The following PCDH15 variants were observed in gnomAD, a reference collection of about 807,000 sequenced individuals.
PCDH15 encodes protocadherin related 15, also known as protocadherin-15.
Under a neutral mutation model 178.5 loss-of-function variants are expected in PCDH15, and 129 were observed. The ratio of observed to expected loss-of-function variants is 0.72; its 90% CI spans 0.63 to 0.84. The LOEUF (loss-of-function observed/expected upper bound fraction) is 0.84. PCDH15 is among the 40% of genes least tolerant of loss of function. The pLI, the probability that PCDH15 is intolerant of heterozygous loss-of-function variation, is 0.00. For synonymous variants in PCDH15, 800 were observed against 732.0 expected (o/e 1.09, Z -1.50); for missense variants, 2,230 against 2,099.9 (o/e 1.06, Z -1.21).
chr10:54,998,710 T>C (rs1400147016), intron 2 of PCDH15, among the ~76,000 whole-genome samples: 1 of 152,152 alleles, frequency 6.6e-6, no homozygotes, highest in Non-Finnish European at 1.5e-5. Flanking sequence ...GGAGCCTAAT[T>C]TCACATAAAT....
chr10:54,332,477 GC>G (rs1375689562), intron 6 of PCDH15, among the ~76,000 whole-genome samples: 1 of 145,758 alleles, frequency 6.9e-6, no homozygotes, highest in African/African-American at 2.5e-5. Flanking sequence ...CTCCAAACAG[GC>G]CATGGCTCTT....
At chr10:55,013,827 T>C (rs2131946064) in intron 2 of PCDH15, among the ~76,000 whole-genome samples, 1 of 152,196 alleles carries the variant, frequency 6.6e-6, no homozygotes, top group Non-Finnish European at 1.5e-5. Flanking sequence ...TTAAAATCAG[T>C]GAATATGCAA....
intron 2 of PCDH15, among the ~76,000 whole-genome samples, chr10:54,984,882 C>T (rs914853348): frequency 3.3e-5 from 5 of 152,172 alleles, no homozygotes; most frequent in Non-Finnish European, 7.3e-5. Flanking sequence ...CCTTTGGTCT[C>T]CCAGTCCTTC....
intron 6 of PCDH15, among the ~76,000 whole-genome samples, chr10:54,337,116 A>G (rs1249264758): frequency 6.6e-6 from 1 of 151,446 alleles, no homozygotes; most frequent in Non-Finnish European, 1.5e-5. Context: ...GAATGTATAT[A>G]TATATATATT....
At chr10:54,557,283 T>C (rs769056548) in intron 2 of PCDH15, among the ~76,000 whole-genome samples, 1 of 152,148 alleles carries the variant, frequency 6.6e-6, no homozygotes, top group African/African-American at 2.4e-5. Flanking sequence ...TAAAGACCAG[T>C]GTTAGGTTTG....
At chr10:54,505,005 C>T (rs751082606) in intron 3 of PCDH15, among the ~76,000 whole-genome samples, 6 of 151,938 alleles carry the variant, frequency 3.9e-5, no homozygotes, top group Non-Finnish European at 5.9e-5. Flanking sequence ...GCCAGCTGGT[C>T]GGTTCTGAGA....
At chr10:55,385,332 T>C (rs542672170) in intron 2 of PCDH15, among the ~76,000 whole-genome samples, 11 of 151,966 alleles carry the variant, frequency 7.2e-5, no homozygotes, top group Admixed American at 6.6e-4. Flanking sequence ...AATGGAAAGA[T>C]AGATTATGAT....
chr10:55,172,287 C>T (rs144719557), intron 1 of PCDH15, among the ~76,000 whole-genome samples: 17 of 151,712 alleles, frequency 1.1e-4, no homozygotes, highest in East Asian at 3.9e-4. Flanking sequence ...ATTTCTTAAA[C>T]GTAAGTACTC....
intron 2 of PCDH15, among the ~76,000 whole-genome samples, chr10:55,597,974 T>G (rs550286053): frequency 6.6e-6 from 1 of 152,118 alleles, no homozygotes; most frequent in East Asian, 1.9e-4. Flanking sequence ...GCCCTCCAGA[T>G]CACCTGGTTC....
At chr10:54,527,711 G>C in intron 3 of PCDH15, 101 bp downstream of exon 3, 1 of 931,950 alleles carries the variant, frequency 1.1e-6, no homozygotes, top group Non-Finnish European at 1.6e-6. Context: ...GATTTGGGTT[G>C]AAACTTTCAT....
chr10:54,363,871 T>G (rs1431897348), intron 5 of PCDH15, among the ~76,000 whole-genome samples: 1 of 152,174 alleles, frequency 6.6e-6, no homozygotes, highest in East Asian at 1.9e-4. Flanking sequence ...GGATTACTTT[T>G]AAAAATTTCA....
chr10:55,395,853 A>C (rs1040137937), intron 2 of PCDH15, among the ~76,000 whole-genome samples: 9 of 151,982 alleles, frequency 5.9e-5, no homozygotes, highest in African/African-American at 2.2e-4. Context: ...CACAAAAAAA[A>C]CCAAACATAA....
intron 2 of PCDH15, among the ~76,000 whole-genome samples, chr10:55,123,091 A>G (rs530857125): frequency 5.3e-5 from 8 of 152,148 alleles, no homozygotes; most frequent in African/African-American, 1.9e-4. Flanking sequence ...CTATAAACAA[A>G]TAAGTTTCAA....
intron 26 of PCDH15, among the ~76,000 whole-genome samples, chr10:53,893,100 T>C (rs2081690692): frequency 6.6e-6 from 1 of 151,936 alleles, no homozygotes; most frequent in East Asian, 1.9e-4. Context: ...TGACTTTGAG[T>C]GTCGGTGGAA....
intron 2 of PCDH15, among the ~76,000 whole-genome samples, chr10:54,630,538 A>G (rs758713893): frequency 9.9e-5 from 15 of 152,176 alleles, no homozygotes; most frequent in Non-Finnish European, 2.1e-4. Flanking sequence ...ACCTAAAACT[A>G]TAAAAGTGCT....
Position 54,214,004 on chromosome 10 carries a change from TC to T in PCDH15, c.1029del (p.Thr344GlnfsTer10). ...GGCTCCAGGAGACTAAGTTCTGCTG[TC>T]CTAGGATGCATATGGAAAAATCGTG... Reference protein sequence around the residue: ...DYPRFFHMHPRTAELSLLEPV... With the variant: ...DYPRFFHMHPXTAELSLLEPV... On this transcript the variant is annotated frameshift_variant, in exon 10 of 38. Transcript: ENST00000644397. LOFTEE classifies it high-confidence loss of function. 1 of 1,611,942 alleles carries T rather than the reference TC, an allele frequency of 6.2e-7. No homozygotes were observed. The highest frequency in any genetic ancestry group is 1.1e-5 in the South Asian group (1 of 91,036).
chr10:54,295,927 G>A (rs2059736471), intron 8 of PCDH15, among the ~76,000 whole-genome samples: 2 of 150,882 alleles, frequency 1.3e-5, no homozygotes, highest in Non-Finnish European at 2.9e-5. Context: ...GGCGGATCAC[G>A]AGGTCAGGAG....
intron 2 of PCDH15, among the ~76,000 whole-genome samples, chr10:55,057,980 A>T (rs1039666811): frequency 6.6e-6 from 1 of 151,974 alleles, no homozygotes; most frequent in African/African-American, 2.4e-5. Context: ...TGTTTTATTA[A>T]CTTGGGCCTT....
At chr10:54,455,568 G>T (rs2076762274) in intron 3 of PCDH15, among the ~76,000 whole-genome samples, 1 of 152,000 alleles carries the variant, frequency 6.6e-6, no homozygotes, top group Non-Finnish European at 1.5e-5. Context: ...GATGATTTAG[G>T]GTATCTGGCA....
Sources: allele counts gnomAD v4.1 joint callset (sites outside exome capture counted in the v4.1 genomes callset), GRCh38; gene constraint gnomAD v4.1.1; transcripts MANE v1.5; gene names NCBI Gene and HGNC (gene_info 2026-07-23, HGNC 2026-07-21).